The following MAP3K7 variants were observed in gnomAD, a reference collection of about 807,000 sequenced individuals.
The protein encoded by MAP3K7 is TGF-beta activated kinase 1.
MAP3K7 carries 21 observed loss-of-function variants against 84.8 expected under a neutral mutation model. The observed-to-expected ratio is 0.25, with a 90% CI of 0.18 to 0.36. MAP3K7 has a LOEUF of 0.36. Among genes scored for constraint, MAP3K7 ranks in the 10% least tolerant of loss-of-function variants. The pLI, the probability that MAP3K7 is intolerant of heterozygous loss-of-function variation, is 1.00. For missense variants in MAP3K7, 503 were observed against 747.7 expected, an observed-to-expected ratio of 0.67 and a Z score of 3.82; for synonymous variants, 241 against 247.7, an observed-to-expected ratio of 0.97 and a Z score of 0.25.
At chr6:90,545,579 A>G (rs1008439777) in intron 11 of MAP3K7, among the ~76,000 whole-genome samples, 9 of 152,124 alleles carry the variant, frequency 5.9e-5, no homozygotes, top group African/African-American at 2.2e-4. Flanking sequence ...TTCATCTGAC[A>G]CTACAGTGAG....
intron 1 of MAP3K7, among the ~76,000 whole-genome samples, chr6:90,575,070 G>A (rs1373379455): frequency 1.3e-5 from 2 of 152,192 alleles, no homozygotes; most frequent in African/African-American, 4.8e-5. Flanking sequence ...ATTCAAAGGA[G>A]TGAGATTATA....
chr6:90,568,120 G>A (rs1776773364), intron 3 of MAP3K7, among the ~76,000 whole-genome samples: 2 of 152,142 alleles, frequency 1.3e-5, no homozygotes, highest in Admixed American at 6.5e-5. Flanking sequence ...TGTAAATGAC[G>A]AGTTAATGGG....
In MAP3K7 at chr6:90,538,080, T is replaced by C. The variant is rs531058679; in HGVS notation, c.1292-1679A>G. Among the ~76,000 whole-genome samples the C allele has an allele frequency of 1.1e-4, 16 of 152,012 alleles. No homozygotes were observed. The East Asian group carries it at 3.1e-3, about 29-fold the overall frequency. The stretch of plus-strand genomic sequence containing the variant: ...TAAAGAAGAGCTGACAGTTAACAAA[T>C]GCCATAAAATGAGAAATCTTTAAGC... On this transcript the variant is annotated intron_variant, in intron 12 of 16. Coordinates refer to ENST00000369329, the MANE Select transcript of MAP3K7 (RefSeq NM_145331.3).
intron 12 of MAP3K7, among the ~76,000 whole-genome samples, chr6:90,543,089 C>T (rs906896521): frequency 7.2e-5 from 6 of 83,884 alleles, no homozygotes; most frequent in East Asian, 4.9e-4. Context: ...CACAGTTCAG[C>T]GGTATGTAAG....
chr6:90,560,588 T>C (rs1215608570), intron 4 of MAP3K7, among the ~76,000 whole-genome samples: 3 of 152,128 alleles, frequency 2.0e-5, no homozygotes, highest in Admixed American at 2.0e-4. Flanking sequence ...TCTTGATCTC[T>C]TGACCTCATG....
At chr6:90,574,957 A>T (rs962140290) in intron 1 of MAP3K7, among the ~76,000 whole-genome samples, 1 of 152,212 alleles carries the variant, frequency 6.6e-6, no homozygotes, top group African/African-American at 2.4e-5. Context: ...GATATTTCAC[A>T]TGCACAGTGA....
intron 1 of MAP3K7, among the ~76,000 whole-genome samples, chr6:90,579,624 G>T (rs1777201961): frequency 6.6e-6 from 1 of 152,266 alleles, no homozygotes; most frequent in Non-Finnish European, 1.5e-5. Flanking sequence ...TCCCTCACTT[G>T]TGTATATTGT....
chr6:90,541,461 T>G (rs1775853288), intron 12 of MAP3K7, among the ~76,000 whole-genome samples: 1 of 152,020 alleles, frequency 6.6e-6, no homozygotes, highest in South Asian at 2.1e-4. Context: ...TAATTTGCTC[T>G]TAGCTGCGTG....
At chr6:90,571,931 A>C in intron 1 of MAP3K7, 124 bp from the exon 2 acceptor site, 3 of 477,838 alleles carry the variant, frequency 6.3e-6, no homozygotes, top group Non-Finnish European at 1.1e-5. Flanking sequence ...AAAAAAAAAC[A>C]TGGAAATCAA....
chr6:90,542,363 G>T, intron 12 of MAP3K7: 1 of 983,768 alleles, frequency 1.0e-6, no homozygotes, highest in Non-Finnish European at 1.2e-6. Flanking sequence ...TCTGAGGGGG[G>T]AAAAGCCTAA....
intron 3 of MAP3K7, among the ~76,000 whole-genome samples, chr6:90,566,917 C>A (rs1454343487): frequency 1.6e-4 from 25 of 152,258 alleles, no homozygotes; most frequent in Admixed American, 1.0e-3. Context: ...CATACATCTA[C>A]AACCATCTGA....
At chr6:90,560,366 T>G (rs1230015722) in intron 4 of MAP3K7, 152 bp from the exon 5 acceptor site, 1 of 858,422 alleles carries the variant, frequency 1.2e-6, no homozygotes, top group Admixed American at 3.0e-5. Context: ...ACTTTCTTTT[T>G]TCTTTTTGTT....
In MAP3K7 at chr6:90,571,816, A is replaced by G. The variant is rs914123341; in HGVS notation, c.121-9T>C. 4 of 1,505,428 alleles carry G rather than the reference A, an allele frequency of 2.7e-6. No homozygotes were observed. The highest frequency in any genetic ancestry group is 3.6e-6 in the Non-Finnish European group (4 of 1,104,352). 93.3% of individuals were successfully genotyped at this position (1,505,428 alleles called of 1,614,324 possible). ...GCTCCTCTTCCAACAACCTGAGTTAAACAAACAAACAAAAAACAAACAAAA... is the reference window on the plus strand; with the variant it reads ...GCTCCTCTTCCAACAACCTGAGTTAGACAAACAAACAAAAAACAAACAAAA... On this transcript the variant is annotated splice_polypyrimidine_tract_variant and intron_variant, in intron 1 of 16. Coordinates refer to ENST00000369329, the MANE Select transcript of MAP3K7 (RefSeq NM_145331.3).
At chr6:90,583,559 T>G (rs560285343) in intron 1 of MAP3K7, among the ~76,000 whole-genome samples, 2 of 152,336 alleles carry the variant, frequency 1.3e-5, no homozygotes, top group Admixed American at 6.5e-5. Flanking sequence ...AAAGAACTGC[T>G]AAGCTTACTA....
In MAP3K7 at chr6:90,586,975, G is replaced by T; in HGVS notation, c.-92C>A. ...CCACCCGCCTCCGGACCGACCCTCA[G>T]CCTGGAGCCGCGCAGTCCTACTACC... On this transcript the variant is annotated 5_prime_UTR_variant, in exon 1 of 17. It adds an upstream start codon to the 5' untranslated region. Transcript: ENST00000369329. 7.2e-7 allele frequency: 1 copy of T among 1,395,440 alleles called. No homozygotes were observed. The highest frequency in any genetic ancestry group is 9.3e-7 in the Non-Finnish European group (1 of 1,071,290). 86.4% of individuals were successfully genotyped at this position (1,395,440 alleles called of 1,614,324 possible). A position where few individuals can be genotyped will look rare whatever the true frequency, so the allele number is the denominator to read the frequency against.
At chr6:90,525,001 T>G (rs1775273064) in intron 13 of MAP3K7, among the ~76,000 whole-genome samples, 1 of 151,640 alleles carries the variant, frequency 6.6e-6, no homozygotes, top group Admixed American at 6.6e-5. Flanking sequence ...AAGAATAAAT[T>G]TATTCAACTC....
At chr6:90,575,100 G>T (rs1777029319) in intron 1 of MAP3K7, among the ~76,000 whole-genome samples, 1 of 152,138 alleles carries the variant, frequency 6.6e-6, no homozygotes, top group Non-Finnish European at 1.5e-5. Context: ...AATACTTAAA[G>T]AATTAAGTTT....
chr6:90,567,788 C>A (rs993136816), intron 3 of MAP3K7, among the ~76,000 whole-genome samples: 3 of 152,260 alleles, frequency 2.0e-5, no homozygotes, highest in Admixed American at 1.3e-4. Flanking sequence ...GCACTATTCA[C>A]AATAGCAAAG....
At position 90,562,637 on chromosome 6, in the gene MAP3K7, A is replaced by C. The variant is rs374372996; in HGVS notation, c.298-970T>G. Among the ~76,000 whole-genome samples, 25 of 152,278 alleles carry C rather than the reference A, an allele frequency of 1.6e-4. No homozygotes were observed. The East Asian group carries it at 2.7e-3, about 16-fold the overall frequency. On this transcript the variant is annotated intron_variant, in intron 3 of 16. Coordinates refer to ENST00000369329, the MANE Select transcript of MAP3K7 (RefSeq NM_145331.3). ...AGGCCTGCCCGCCTCTGTAGACTCC[A>C]CCTCTGGGGGCAGGGCATAGCTGAA...
Sources: allele counts gnomAD v4.1 joint callset (sites outside exome capture counted in the v4.1 genomes callset), GRCh38; gene constraint gnomAD v4.1.1; transcripts MANE v1.5; gene names NCBI Gene and HGNC (gene_info 2026-07-23, HGNC 2026-07-21).